Variants in RGS17 observed in about 807,000 individuals in gnomAD.
RGS17 encodes regulator of G protein signaling 17, also known as regulator of G-protein signaling 17.
Under a neutral mutation model 25.5 loss-of-function variants are expected in RGS17, and 12 were observed. The observed-to-expected ratio is 0.47, with a 90% CI of 0.30 to 0.76. The LOEUF is 0.76. Among genes scored for constraint, RGS17 ranks in the 30% least tolerant of loss-of-function variants. The pLI, the probability that RGS17 is intolerant of heterozygous loss-of-function variation, is 0.07. For missense variants in RGS17, 196 were observed against 242.2 expected (o/e 0.81, Z 1.27); for synonymous variants, 71 against 76.9 (o/e 0.92, Z 0.40).
intron 1 of RGS17, among the ~76,000 whole-genome samples, chr6:153,070,708 C>CAT (rs138633492): frequency 0.58 from 72,811 of 125,942 alleles, 18,411 homozygotes; most frequent in Non-Finnish European, 0.62. Context: ...TGTGTATATA[C>CAT]ATATATATAT....
At chr6:153,123,030 C>CGGAGTATTA (rs1777658953) in intron 1 of RGS17, among the ~76,000 whole-genome samples, 1 of 143,682 alleles carries the variant, frequency 7.0e-6, no homozygotes. Flanking sequence ...TTTAATACTC[C>CGGAGTATTA]AATGTACACT....
intron 1 of RGS17, among the ~76,000 whole-genome samples, chr6:153,118,062 CAG>C (rs1397631894): frequency 6.6e-6 from 1 of 152,162 alleles, no homozygotes; most frequent in Non-Finnish European, 1.5e-5. Flanking sequence ...GACTGGGGGA[CAG>C]CTTGTTAGGC....
At chr6:153,095,991 GT>G (rs1777202090) in intron 1 of RGS17, among the ~76,000 whole-genome samples, 1 of 152,220 alleles carries the variant, frequency 6.6e-6, no homozygotes, top group Non-Finnish European at 1.5e-5. Flanking sequence ...ATAAGCAGGA[GT>G]TTTCAAGGAG....
intron 4 of RGS17, among the ~76,000 whole-genome samples, chr6:153,012,870 GTC>G (rs1223329448): frequency 1.3e-5 from 2 of 152,104 alleles, no homozygotes; most frequent in Non-Finnish European, 2.9e-5. Context: ...AACTAATACA[GTC>G]TCTTATTGAA....
chr6:153,024,596 T>C lies in RGS17; in HGVS notation c.210-100A>G. On this transcript the variant is annotated intron_variant, in intron 3 of 4. Transcript: ENST00000206262. The stretch of plus-strand genomic sequence containing the variant: ...GCAGATAGAAATTCTATCAATTTGC[T>C]GCCATCTAGTGGTCAGTATTTTGCC... 3 of 843,040 alleles carry C rather than the reference T, an allele frequency of 3.6e-6. No individual in the cohort carries two copies. In the South Asian group the frequency reaches 4.8e-5, roughly 13 times the overall value. 52.2% of individuals were successfully genotyped at this position (843,040 alleles called of 1,614,324 possible).
At chr6:153,097,478 T>C (rs1447882480) in intron 1 of RGS17, among the ~76,000 whole-genome samples, 1 of 151,730 alleles carries the variant, frequency 6.6e-6, no homozygotes, top group Non-Finnish European at 1.5e-5. Context: ...CACCCAGGAA[T>C]GATAGGACAT....
intron 4 of RGS17, among the ~76,000 whole-genome samples, chr6:153,020,132 ATATATATTTTTTTTTTTTTTTTT>A (rs1779230790): frequency 1.3e-5 from 1 of 77,912 alleles, no homozygotes; most frequent in African/African-American, 4.9e-5. Flanking sequence ...ATATATATAT[ATATATATTTTTTTTTTTTTTTTT>A]TTTTTTTTTT....
At chr6:153,026,608 T>C (rs769843767) in intron 2 of RGS17, 65 bp from the exon 3 acceptor site, 149 of 1,262,022 alleles carry the variant, frequency 1.2e-4, no homozygotes, top group Non-Finnish European at 1.6e-4. Flanking sequence ...AAAGAATAAA[T>C]TTTTCTGGGG....
Position 153,054,110 on chromosome 6 carries a change from A to ATG in RGS17, c.-25-10068_-25-10067insCA, listed in dbSNP as rs1776518848. On this transcript the variant is annotated intron_variant, in intron 1 of 4. Transcript: ENST00000206262. ...ATATTTTTTATATATATATATATAT[A>ATG]TATGTGTATATATATATATATACAG... 1.9e-5 allele frequency among the ~76,000 whole-genome samples: 2 copies of ATG among 102,866 alleles called. 1 individual carries two copies. The highest frequency in any genetic ancestry group is 3.7e-5 in the Non-Finnish European group (2 of 53,894). The allele number at this position is 102,866 out of a possible 152,430, so 67.5% of individuals were successfully genotyped here.
At chr6:153,120,757 G>T (rs1229476868) in intron 1 of RGS17, among the ~76,000 whole-genome samples, 2 of 152,132 alleles carry the variant, frequency 1.3e-5, no homozygotes, top group Non-Finnish European at 2.9e-5. Context: ...TGCGAGTACT[G>T]TATGCTTTTG....
chr6:153,090,998 A>C (rs1181532134), intron 1 of RGS17, among the ~76,000 whole-genome samples: 1 of 152,350 alleles, frequency 6.6e-6, no homozygotes, highest in East Asian at 1.9e-4. Flanking sequence ...CCATTTAACA[A>C]AACAATTTAA....
chr6:153,025,941 A>G (rs1392094598), intron 3 of RGS17, among the ~76,000 whole-genome samples: 4 of 125,982 alleles, frequency 3.2e-5, no homozygotes, highest in Admixed American at 3.2e-4. Context: ...AAGCAGAAAA[A>G]GAAAGCACTT....
At chr6:153,087,482 T>A (rs1306354529) in intron 1 of RGS17, among the ~76,000 whole-genome samples, 1 of 152,198 alleles carries the variant, frequency 6.6e-6, no homozygotes, top group Non-Finnish European at 1.5e-5. Context: ...CATGCTGCTA[T>A]CCCAAAGTAA....
chr6:153,038,366 G>T (rs1329661754), intron 2 of RGS17, among the ~76,000 whole-genome samples: 3 of 152,170 alleles, frequency 2.0e-5, no homozygotes, highest in Admixed American at 2.0e-4. Context: ...TTTGATAGAT[G>T]TCTTTTGATT....
At chr6:153,077,213 G>A (rs1441294166) in intron 1 of RGS17, among the ~76,000 whole-genome samples, 2 of 152,112 alleles carry the variant, frequency 1.3e-5, no homozygotes, top group Non-Finnish European at 2.9e-5. Context: ...ATATTAAGAA[G>A]AAACAATAAG....
intron 1 of RGS17, among the ~76,000 whole-genome samples, chr6:153,116,531 C>CCCTA (rs1457657266): frequency 1.3e-5 from 2 of 152,166 alleles, no homozygotes; most frequent in Admixed American, 1.3e-4. Flanking sequence ...CCTCAAGGAA[C>CCCTA]TAGGACCAGA....
At chr6:153,073,339 G>A (rs1776833631) in intron 1 of RGS17, among the ~76,000 whole-genome samples, 1 of 152,134 alleles carries the variant, frequency 6.6e-6, no homozygotes, top group Non-Finnish European at 1.5e-5. Context: ...ACTTTAGAGA[G>A]TCTTATTAGC....
At chr6:153,045,841 A>T (rs968308719) in intron 1 of RGS17, among the ~76,000 whole-genome samples, 2 of 152,216 alleles carry the variant, frequency 1.3e-5, no homozygotes, top group African/African-American at 4.8e-5. Context: ...TATAAAACTT[A>T]TCTGACTTCC....
chr6:153,120,593 C>T (rs1319267579), intron 1 of RGS17, among the ~76,000 whole-genome samples: 4 of 152,130 alleles, frequency 2.6e-5, no homozygotes, highest in Admixed American at 2.0e-4. Context: ...ACTGATGAAG[C>T]GCCTGTCCCA....
Sources: allele counts gnomAD v4.1 joint callset (sites outside exome capture counted in the v4.1 genomes callset), GRCh38; gene constraint gnomAD v4.1.1; transcripts MANE v1.5; gene names NCBI Gene and HGNC (gene_info 2026-07-23, HGNC 2026-07-21).